The following RHOBTB3 variants were observed in gnomAD, a reference collection of about 807,000 sequenced individuals.
RHOBTB3 encodes the protein Rho related BTB domain containing 3.
Under a neutral mutation model 67.2 loss-of-function variants are expected in RHOBTB3, and 47 were observed. That is an observed-to-expected ratio of 0.70 (90% CI 0.55 to 0.89). The LOEUF (loss-of-function observed/expected upper bound fraction) is 0.89. Among genes scored for constraint, RHOBTB3 ranks in the 40% least tolerant of loss-of-function variants. RHOBTB3 has a pLI of 0.00. For missense variants in RHOBTB3, 631 were observed against 750.0 expected, an observed-to-expected ratio of 0.84 and a Z score of 1.85; for synonymous variants, 273 against 274.2, an observed-to-expected ratio of 1.00 and a Z score of 0.04.
chr5:95,752,684 C>T (rs1415309166), intron 5 of RHOBTB3, among the ~76,000 whole-genome samples: 1 of 152,088 alleles, frequency 6.6e-6, no homozygotes, highest in Non-Finnish European at 1.5e-5. Context: ...GATACTGGTT[C>T]AATAAAAACA....
intron 8 of RHOBTB3, chr5:95,769,357 T>G: frequency 2.2e-6 from 1 of 459,418 alleles, no homozygotes; most frequent in Non-Finnish European, 4.3e-6. Context: ...GCTACTGTAC[T>G]TGCACTCCCT....
At chr5:95,790,299 T>G (rs1746344481) in intron 11 of RHOBTB3, among the ~76,000 whole-genome samples, 1 of 152,356 alleles carries the variant, frequency 6.6e-6, no homozygotes, top group African/African-American at 2.4e-5. Context: ...AAGTAGCTGC[T>G]TCTATAGTTA....
intron 2 of RHOBTB3, chr5:95,732,454 A>G (rs1755316324): frequency 7.0e-6 from 3 of 428,348 alleles, no homozygotes; most frequent in South Asian, 5.2e-5. Flanking sequence ...GTGATAGTGT[A>G]ATATTGGTGT....
At chr5:95,731,311 G>C, upstream of RHOBTB3, 1 of 1,062,318 alleles carries the variant, frequency 9.4e-7, no homozygotes, top group Non-Finnish European at 1.1e-6. Flanking sequence ...TCTCTGCTTA[G>C]AGGAGGAGGA....
intron 1 of RHOBTB3, among the ~76,000 whole-genome samples, chr5:95,717,918 A>C (rs1014387690): frequency 1.3e-5 from 2 of 152,222 alleles, no homozygotes; most frequent in African/African-American, 4.8e-5. Flanking sequence ...TAAACTATAC[A>C]TTTATGTTTT....
intron 3 of RHOBTB3, among the ~76,000 whole-genome samples, chr5:95,740,511 A>G (rs1755565064): frequency 6.6e-6 from 1 of 152,232 alleles, no homozygotes; most frequent in African/African-American, 2.4e-5. Flanking sequence ...AAGAGACAAT[A>G]GTCTTGACTA....
chr5:95,780,454 C>G (rs1300367078), intron 9 of RHOBTB3, 29 bp downstream of exon 9: 1 of 1,592,012 alleles, frequency 6.3e-7, no homozygotes, highest in Non-Finnish European at 8.6e-7. Flanking sequence ...GATAGTATCT[C>G]AGAATTCTTT....
chr5:95,775,346 A>G (rs1745838211), intron 8 of RHOBTB3, among the ~76,000 whole-genome samples: 1 of 151,090 alleles, frequency 6.6e-6, no homozygotes, highest in Non-Finnish European at 1.5e-5. Context: ...TAGAGTTGCT[A>G]AACTATTAAG....
At chr5:95,791,420 TTTTG>T (rs772936815) in intron 11 of RHOBTB3, among the ~76,000 whole-genome samples, 37 of 152,170 alleles carry the variant, frequency 2.4e-4, no homozygotes, top group Non-Finnish European at 4.6e-4. Flanking sequence ...TGTTATGGGG[TTTTG>T]TTTGTTTTGT....
intron 5 of RHOBTB3, among the ~76,000 whole-genome samples, chr5:95,753,333 A>T (rs947150129): frequency 1.3e-5 from 2 of 151,994 alleles, no homozygotes; most frequent in Non-Finnish European, 2.9e-5. Context: ...CACGTGAGGG[A>T]TATATGTGAA....
upstream of RHOBTB3, chr5:95,730,929 G>A (rs944674326): frequency 2.0e-5 from 9 of 460,688 alleles, no homozygotes; most frequent in Non-Finnish European, 3.5e-5. Flanking sequence ...CAAGAGGGGG[G>A]GAAATCGGGT....
rs1489601376 is a variant in RHOBTB3 at position 95,793,883 on chromosome 5, A to G, written c.*709A>G. 1.9e-5 allele frequency: 8 copies of G among 416,594 alleles called. No homozygotes were observed. Among genetic ancestry groups the G allele is most frequent in the Admixed American group, 1.1e-4 (4 of 37,620 alleles). 25.8% of individuals were successfully genotyped at this position (416,594 alleles called of 1,614,324 possible). On this transcript the variant is annotated 3_prime_UTR_variant, in exon 12 of 12. Transcript: ENST00000379982. ...CCCACACTTGGTTCAAGGCTCTGCT[A>G]TAGCGGAAATTCTTAATAATGTTTG... is the stretch of plus-strand genomic sequence containing the variant.
In RHOBTB3 at chr5:95,718,825, G is replaced by T. The variant is rs183325327; in HGVS notation, n.133+1060G>T. On this transcript the variant is annotated intron_variant and non_coding_transcript_variant, in intron 1 of 5. Coordinates refer to the RHOBTB3 transcript ENST00000504949. The stretch of plus-strand genomic sequence containing the variant: ...AGGGAAGAAAACGAAGACAGAAGAG[G>T]TCTAGCAGAGAGGGAGAAAGCAGGA... 1.8e-3 allele frequency among the ~76,000 whole-genome samples: 281 copies of T among 152,270 alleles called. 2 individuals carry two copies. Among genetic ancestry groups the T allele is most frequent in the African/African-American group, 6.4e-3 (268 of 41,556 alleles).
chr5:95,781,983 T>C (rs1452067298), intron 9 of RHOBTB3: 3 of 152,270 alleles, frequency 2.0e-5, no homozygotes, highest in African/African-American at 7.2e-5. Flanking sequence ...TTTGGAGTAA[T>C]AGGAAAATTT....
At position 95,787,162 on chromosome 5, in the gene RHOBTB3, A is replaced by T. The variant is rs1387054856; in HGVS notation, c.1624-1600A>T. ...TTCTGTGACCTCCCTTTTCCTTCTC[A>T]GTCACAGCCCTTAAGGCAATGTCCT... On this transcript the variant is annotated intron_variant, in intron 10 of 11. Transcript: ENST00000379982. Among the ~76,000 whole-genome samples the T allele has an allele frequency of 1.3e-5, 2 of 152,170 alleles. 1 individual carries two copies. Among genetic ancestry groups the T allele is most frequent in the African/African-American group, 4.8e-5 (2 of 41,428 alleles).
chr5:95,791,596 A>T (rs1026270031), intron 11 of RHOBTB3, among the ~76,000 whole-genome samples: 1 of 152,202 alleles, frequency 6.6e-6, no homozygotes, highest in African/African-American at 2.4e-5. Flanking sequence ...AATCTGACTT[A>T]TAATAGATGA....
chr5:95,732,233 C>T (rs1030118581), intron 2 of RHOBTB3, 149 bp downstream of exon 2: 2 of 714,684 alleles, frequency 2.8e-6, no homozygotes, highest in African/African-American at 3.5e-5. Context: ...ATCTTTGGTC[C>T]TTTGTTTCAC....
intron 3 of RHOBTB3, among the ~76,000 whole-genome samples, chr5:95,744,768 T>G (rs1312384184): frequency 6.6e-6 from 1 of 152,116 alleles, no homozygotes; most frequent in Non-Finnish European, 1.5e-5. Flanking sequence ...TTTGTTTGTT[T>G]TTTGTTTTAA....
chr5:95,792,894 A>T, intron 11 of RHOBTB3, 165 bp from the exon 12 acceptor site: 1 of 547,744 alleles, frequency 1.8e-6, no homozygotes, highest in Non-Finnish European at 3.2e-6. Context: ...TCCTGATACT[A>T]ATTTAACCAA....
Sources: gnomAD v4.1 joint callset for allele counts (sites outside exome capture counted in the v4.1 genomes callset) on GRCh38, gnomAD v4.1.1 for gene constraint, MANE v1.5 for transcripts, NCBI Gene and HGNC (gene_info 2026-07-23, HGNC 2026-07-21) for gene names.